Variants in TFCP2L1 observed in about 807,000 individuals in gnomAD.
TFCP2L1 encodes transcription factor CP2-like protein 1.
In TFCP2L1, 12 loss-of-function variants were observed where a neutral mutation model predicts 72.2. That is an observed-to-expected ratio of 0.17 (90% confidence interval 0.11 to 0.27). TFCP2L1 has a LOEUF of 0.27. Among genes scored for constraint, TFCP2L1 ranks in the 10% least tolerant of loss-of-function variants. TFCP2L1 has a pLI of 1.00. For synonymous variants in TFCP2L1, 260 were observed against 251.0 expected, an observed-to-expected ratio of 1.04 and a Z score of -0.34; for missense variants, 488 against 624.6, an observed-to-expected ratio of 0.78 and a Z score of 2.33.
At chr2:121,251,776 T>A (rs1686619686) in intron 2 of TFCP2L1, among the ~76,000 whole-genome samples, 1 of 152,256 alleles carries the variant, frequency 6.6e-6, no homozygotes, top group Non-Finnish European at 1.5e-5. Context: ...AACATCATGT[T>A]GCACATGATA....
intron 8 of TFCP2L1, among the ~76,000 whole-genome samples, chr2:121,238,353 C>T (rs1161914350): frequency 6.6e-6 from 1 of 152,198 alleles, no homozygotes; most frequent in Non-Finnish European, 1.5e-5. Context: ...CGCAGCTTGA[C>T]ATCCATCCAC....
chr2:121,255,542 T>C (rs1440473056), intron 2 of TFCP2L1, among the ~76,000 whole-genome samples: 1 of 152,194 alleles, frequency 6.6e-6, no homozygotes, highest in African/African-American at 2.4e-5. Context: ...CCCTATGTTA[T>C]AAACGAGGAA....
At chr2:121,239,966 A>G (rs1039666477) in intron 7 of TFCP2L1, 1 of 901,572 alleles carries the variant, frequency 1.1e-6, no homozygotes, top group Non-Finnish European at 1.3e-6. Context: ...GAGAGAGAAA[A>G]AACGAAACCA....
In TFCP2L1 at chr2:121,220,956, TAAGGTAAC is replaced by T. The variant is rs996418473; in HGVS notation, c.*3377_*3384del. The T allele has an allele frequency of 2.0e-5, 3 of 152,232 alleles. No individual in the cohort carries two copies. The highest frequency in any genetic ancestry group is 7.2e-5 in the African/African-American group (3 of 41,466). The allele number at this position is 152,232 out of a possible 1,614,324, so 9.4% of individuals were successfully genotyped here. On this transcript the variant is annotated 3_prime_UTR_variant, in exon 15 of 15. Transcript: ENST00000263707. ...TGGAAGACTCTACTAATAGCACACT[TAAGGTAAC>T]AGACTTTTATTACATCTTCTTTTGG...
Position 121,224,278 on chromosome 2 carries a change from T to C in TFCP2L1, c.*63A>G, listed in dbSNP as rs570952465. ...GAGGCCACAGCTTACAGTGGGGCAA[T>C]GTCTACATCCACGGGGATCCACAGG... On this transcript the variant is annotated 3_prime_UTR_variant, in exon 15 of 15. Coordinates refer to ENST00000263707, the MANE Select transcript of TFCP2L1 (RefSeq NM_014553.3). 1 of 1,595,990 alleles carries C rather than the reference T, an allele frequency of 6.3e-7. No individual in the cohort carries two copies. The highest frequency in any genetic ancestry group is 1.3e-5 in the African/African-American group (1 of 74,720).
At chr2:121,240,279 T>C (rs933927722) in intron 7 of TFCP2L1, 1 of 984,986 alleles carries the variant, frequency 1.0e-6, no homozygotes, top group East Asian at 1.1e-4. Context: ...CATTCTACTA[T>C]GGAAGCCAAA....
At position 121,220,851 on chromosome 2, in the gene TFCP2L1, C is replaced by A. The variant is rs1315652259; in HGVS notation, c.*3490G>T. The stretch of plus-strand genomic sequence containing the variant: ...ACTTTTTTTTGGTATTTATTATTTT[C>A]TATTCTTTCATAAGCTATAAGCTTT... On this transcript the variant is annotated 3_prime_UTR_variant, in exon 15 of 15. Coordinates refer to ENST00000263707, the MANE Select transcript of TFCP2L1 (RefSeq NM_014553.3). 6.6e-6 allele frequency: 1 copy of A among 152,092 alleles called. No individual in the cohort carries two copies. The highest frequency in any genetic ancestry group is 1.5e-5 in the Non-Finnish European group (1 of 68,016). The allele number at this position is 152,092 out of a possible 1,614,324, so 9.4% of individuals were successfully genotyped here.
At position 121,221,724 on chromosome 2, in the gene TFCP2L1, A is replaced by C. The variant is rs1685932594; in HGVS notation, c.*2617T>G. 1 of 152,260 alleles carries C rather than the reference A, an allele frequency of 6.6e-6. No homozygotes were observed. 9.4% of individuals were successfully genotyped at this position (152,260 alleles called of 1,614,324 possible). ...GTTTTCTAGATATGGCACCAAAAGCACAAGTGACAATAGAAAAAAAATACG... is the reference window on the plus strand; with the variant it reads ...GTTTTCTAGATATGGCACCAAAAGCCCAAGTGACAATAGAAAAAAAATACG... On this transcript the variant is annotated 3_prime_UTR_variant, in exon 15 of 15. Coordinates refer to ENST00000263707, the MANE Select transcript of TFCP2L1 (RefSeq NM_014553.3).
intron 2 of TFCP2L1, among the ~76,000 whole-genome samples, chr2:121,278,994 A>C (rs1056721615): frequency 1.9e-4 from 29 of 151,730 alleles, no homozygotes; most frequent in Non-Finnish European, 1.9e-4. Context: ...ACAGAGCAAG[A>C]CTCTGTCTCA....
chr2:121,227,507 C>A (rs1033037563), intron 13 of TFCP2L1, among the ~76,000 whole-genome samples: 14 of 151,156 alleles, frequency 9.3e-5, no homozygotes, highest in Admixed American at 2.6e-4. Context: ...CATGGTGAAA[C>A]CCCATCTCTA....
At chr2:121,249,192 C>A in intron 3 of TFCP2L1, 105 bp from the exon 4 acceptor site, 1 of 831,258 alleles carries the variant, frequency 1.2e-6, no homozygotes, top group Non-Finnish European at 1.8e-6. Context: ...GAGGCCCCTC[C>A]CCCTGGGGCT....
intron 2 of TFCP2L1, among the ~76,000 whole-genome samples, chr2:121,261,465 G>A (rs545528313): frequency 1.1e-4 from 16 of 152,232 alleles, no homozygotes; most frequent in South Asian, 6.2e-4. Flanking sequence ...AGGAGCTCTC[G>A]ATGGCCACAG....
chr2:121,235,408 G>T, intron 10 of TFCP2L1, 97 bp from the exon 11 acceptor site: 1 of 1,224,772 alleles, frequency 8.2e-7, no homozygotes, highest in Non-Finnish European at 1.2e-6. Context: ...GGGGGTGGGG[G>T]GTGGGGAAGA....
intron 12 of TFCP2L1, among the ~76,000 whole-genome samples, chr2:121,233,068 A>C (rs1034318019): frequency 7.9e-5 from 12 of 152,208 alleles, no homozygotes; most frequent in African/African-American, 2.9e-4. Flanking sequence ...CTATAATCCC[A>C]GCACTCTGCG....
chr2:121,285,129 C>G lies in TFCP2L1; in HGVS notation c.-20G>C, dbSNP rs1178191816. ...GAGCATGGCTGGAACTCCCAGCGCGCCGACCGGGGCGCGGCAGCAAGCGCA... is the reference window on the plus strand; with the variant it reads ...GAGCATGGCTGGAACTCCCAGCGCGGCGACCGGGGCGCGGCAGCAAGCGCA... On this transcript the variant is annotated 5_prime_UTR_variant, in exon 1 of 15. Coordinates refer to ENST00000263707, the MANE Select transcript of TFCP2L1 (RefSeq NM_014553.3). 1 of 1,483,916 alleles carries G rather than the reference C, an allele frequency of 6.7e-7. No individual in the cohort carries two copies. Among genetic ancestry groups the G allele is most frequent in the South Asian group, 1.3e-5 (1 of 74,944 alleles). The allele number at this position is 1,483,916 out of a possible 1,614,324, so 91.9% of individuals were successfully genotyped here. A position where few individuals can be genotyped will look rare whatever the true frequency, so the allele number is the denominator to read the frequency against.
chr2:121,230,523 G>A (rs1395862305), intron 13 of TFCP2L1, among the ~76,000 whole-genome samples: 1 of 151,512 alleles, frequency 6.6e-6, no homozygotes, highest in African/African-American at 2.4e-5. Flanking sequence ...GCTCATGCCT[G>A]TAATCCCAGC....
intron 6 of TFCP2L1, among the ~76,000 whole-genome samples, chr2:121,243,169 T>C (rs6723509): frequency 0.12 from 17,860 of 152,316 alleles, 1,193 homozygotes; most frequent in Middle Eastern, 0.15. Context: ...TGTAGTCTCC[T>C]GAGCATGTGC....
In TFCP2L1 at chr2:121,285,074, G is replaced by A; in HGVS notation, c.36C>T (p.Asn12=). Residue 12 remains asparagine, a synonymous_variant, in exon 1 of 15, where the codon AAC becomes AAT. Coordinates refer to ENST00000263707, the MANE Select transcript of TFCP2L1 (RefSeq NM_014553.3). ...GCAGGTAGCTGCCGGAGTTGTGCTG[G>A]TTGTAGTGCTCGGGCTGCGTGTGCC... ...LFWHTQPEHY[N]QHNSGSYLRD... is the part of the protein sequence containing the mutation. 6.6e-7 allele frequency: 1 copy of A among 1,525,692 alleles called. No homozygotes were observed. The highest frequency in any genetic ancestry group is 1.2e-5 in the South Asian group (1 of 80,948). 94.5% of individuals were successfully genotyped at this position (1,525,692 alleles called of 1,614,324 possible).
rs1186591728 is a variant in TFCP2L1, at chr2:121,285,122, C to T, written c.-13G>A. ...GCCAGAAGAGCATGGCTGGAACTCC[C>T]AGCGCGCCGACCGGGGCGCGGCAGC... On this transcript the variant is annotated 5_prime_UTR_variant, in exon 1 of 15. Coordinates refer to ENST00000263707, the MANE Select transcript of TFCP2L1 (RefSeq NM_014553.3). 8.0e-6 allele frequency: 12 copies of T among 1,490,988 alleles called. 1 individual carries two copies. In the Middle Eastern group the frequency reaches 7.2e-4, roughly 89 times the overall value. 92.4% of individuals were successfully genotyped at this position (1,490,988 alleles called of 1,614,324 possible).
Sources: allele counts gnomAD v4.1 joint callset (sites outside exome capture counted in the v4.1 genomes callset), GRCh38; gene constraint gnomAD v4.1.1; transcripts MANE v1.5; gene names NCBI Gene and HGNC (gene_info 2026-07-23, HGNC 2026-07-21).